Variants in MCF2L observed in about 807,000 individuals in gnomAD.
MCF2L encodes the protein MCF.2 cell line derived transforming sequence like.
In MCF2L, 97 loss-of-function variants were observed where a neutral mutation model predicts 153.4. The observed-to-expected ratio is 0.63, with a 90% CI of 0.54 to 0.75. MCF2L has a LOEUF of 0.75. Among genes scored for constraint, MCF2L ranks in the 30% least tolerant of loss-of-function variants. The probability of loss-of-function intolerance (pLI) is 0.00; values close to 1 mark genes in which losing one functional copy is unlikely to be tolerated. For missense variants in MCF2L, 1,347 were observed against 1,495.2 expected, an observed-to-expected ratio of 0.90 and a Z score of 1.64; for synonymous variants, 659 against 632.2, an observed-to-expected ratio of 1.04 and a Z score of -0.64.
chr13:113,086,045 C>T, intron 20 of MCF2L, 79 bp from the exon 21 acceptor site: 1 of 1,475,490 alleles, frequency 6.8e-7, no homozygotes, highest in Non-Finnish European at 9.0e-7. Flanking sequence ...TACCTCGTGC[C>T]AAGCTCCTGA....
intron 8 of MCF2L, among the ~76,000 whole-genome samples, chr13:113,066,854 C>G (rs1034457609): frequency 7.0e-4 from 107 of 152,342 alleles, no homozygotes; most frequent in African/African-American, 2.5e-3. Context: ...CAGGGCCGTG[C>G]GGGGCGCACC....
At chr13:112,906,765 A>G (rs1338381090) in intron 2 of MCF2L, among the ~76,000 whole-genome samples, 1 of 152,232 alleles carries the variant, frequency 6.6e-6, no homozygotes, top group Non-Finnish European at 1.5e-5. Flanking sequence ...CTTGCGCAGC[A>G]GAGGTGAGGT....
chr13:112,947,756 A>G (rs750502560), intron 2 of MCF2L, among the ~76,000 whole-genome samples: 14 of 152,136 alleles, frequency 9.2e-5, no homozygotes, highest in Non-Finnish European at 1.9e-4. Context: ...GGCTGGGGCT[A>G]CACACTGGTG....
chr13:112,957,119 C>T (rs796636319), intron 2 of MCF2L: 5 of 152,230 alleles, frequency 3.3e-5, no homozygotes, highest in African/African-American at 1.2e-4. Context: ...GGTGCATTAT[C>T]TGTTGACGTG....
chr13:112,969,483 T>A lies in MCF2L; in HGVS notation c.79+25T>A, dbSNP rs534857085. On this transcript the variant is annotated intron_variant, in intron 1 of 29. Coordinates refer to ENST00000535094, the MANE Select transcript of MCF2L (RefSeq NM_001112732.3). The surrounding 1 kb of genome is among the most constrained non-coding windows in gnomAD (Gnocchi z 4.8). ...GGTAGGAGGAGCTGCTGGCCGTCAG[T>A]GATCTGTGCTTAAGCTTGACATCAT... 6.5e-7 allele frequency: 1 copy of A among 1,550,066 alleles called. No homozygotes were observed. Among genetic ancestry groups the A allele is most frequent in the South Asian group, 1.2e-5 (1 of 84,050 alleles).
chr13:113,001,026 G>A (rs779248304), intron 1 of MCF2L, among the ~76,000 whole-genome samples: 28 of 131,932 alleles, frequency 2.1e-4, no homozygotes, highest in Non-Finnish European at 3.6e-4. Context: ...CTCTGGGCCT[G>A]GACAAATGGT....
At chr13:112,902,713 G>C (rs1340885477) in intron 2 of MCF2L, among the ~76,000 whole-genome samples, 1 of 152,236 alleles carries the variant, frequency 6.6e-6, no homozygotes, top group Non-Finnish European at 1.5e-5. Flanking sequence ...TACCTGAAGG[G>C]AACAATTTGT....
intron 4 of MCF2L, among the ~76,000 whole-genome samples, chr13:113,058,213 G>A (rs1166458912): frequency 1.3e-5 from 2 of 149,674 alleles, no homozygotes; most frequent in Non-Finnish European, 3.0e-5. Context: ...TTTGGGCGCT[G>A]TGTGTTTGGG....
At chr13:113,061,265 G>A (rs2031362549) in intron 5 of MCF2L, among the ~76,000 whole-genome samples, 1 of 152,074 alleles carries the variant, frequency 6.6e-6, no homozygotes, top group African/African-American at 2.4e-5. Flanking sequence ...TCCCAACACT[G>A]CCCACTGAGA....
intron 12 of MCF2L, among the ~76,000 whole-genome samples, chr13:113,076,445 A>G (rs2033487860): frequency 1.3e-5 from 2 of 151,914 alleles, no homozygotes; most frequent in Non-Finnish European, 1.5e-5. Context: ...TTGTATTTTT[A>G]TTAGAGACAG....
intron 2 of MCF2L, among the ~76,000 whole-genome samples, chr13:112,958,926 A>G (rs373963500): frequency 2.3e-4 from 35 of 152,182 alleles, no homozygotes; most frequent in African/African-American, 8.4e-4. Flanking sequence ...GTGGAAGCAA[A>G]TCCTGGGCGG....
intron 27 of MCF2L, 33 bp from the exon 28 acceptor site, chr13:113,096,338 A>G: frequency 6.7e-7 from 1 of 1,495,494 alleles, no homozygotes; most frequent in Non-Finnish European, 9.1e-7. Context: ...GCGGGTGCTG[A>G]CGCTGTCTGT....
intron 26 of MCF2L, 106 bp downstream of exon 26, chr13:113,089,834 C>G: frequency 6.2e-7 from 1 of 1,611,194 alleles, no homozygotes; most frequent in Non-Finnish European, 8.5e-7. Flanking sequence ...TGTGAAGAAG[C>G]TTTGCAGAGC....
intron 12 of MCF2L, 118 bp downstream of exon 12, chr13:113,076,275 T>A (rs2033468607): frequency 1.3e-6 from 1 of 798,604 alleles, no homozygotes; most frequent in Non-Finnish European, 1.8e-6. Flanking sequence ...ATTATTATTT[T>A]TTTTTTGAGA....
chr13:112,979,224 A>C, intron 1 of MCF2L: 1 of 643,464 alleles, frequency 1.6e-6, no homozygotes, highest in Non-Finnish European at 1.9e-6. Context: ...AGACTTCCTG[A>C]GGCCTGGAAG....
Position 113,054,401 on chromosome 13 carries a change from T to C in MCF2L, c.370-6192T>C, listed in dbSNP as rs912517106. ...GGCCTCACGCACACGGCAGCGGCCA[T>C]TCTGAGCACTCGTGTCTGAACATCT... On this transcript the variant is annotated intron_variant, in intron 4 of 29. Coordinates refer to ENST00000535094, the MANE Select transcript of MCF2L (RefSeq NM_001112732.3). This position sits in a 1 kb window ranked among gnomAD's most constrained non-coding sequence, Gnocchi z 5.2. The C allele has an allele frequency of 6.0e-6, 1 of 167,456 alleles. No individual in the cohort carries two copies. The highest frequency in any genetic ancestry group is 2.4e-5 in the African/African-American group (1 of 41,436). 10.4% of individuals were successfully genotyped at this position (167,456 alleles called of 1,614,324 possible).
At chr13:113,050,199 G>T (rs1050491976) in intron 4 of MCF2L, among the ~76,000 whole-genome samples, 1 of 150,814 alleles carries the variant, frequency 6.6e-6, no homozygotes, top group African/African-American at 2.4e-5. Context: ...CGAGCGAGTG[G>T]GAGTGTAAGT....
At chr13:113,075,841 C>T (rs569368893) in intron 11 of MCF2L, 125 bp from the exon 12 acceptor site, 10 of 709,284 alleles carry the variant, frequency 1.4e-5, no homozygotes, top group Admixed American at 3.1e-5. Flanking sequence ...GACAGGGTGG[C>T]GGGAGCACGA....
intron 8 of MCF2L, among the ~76,000 whole-genome samples, chr13:113,069,675 G>A (rs1402613681): frequency 2.0e-5 from 3 of 152,210 alleles, no homozygotes; most frequent in East Asian, 1.9e-4. Context: ...GCAGTGAGCC[G>A]AGACTGCACC....
Sources: allele counts gnomAD v4.1 joint callset (sites outside exome capture counted in the v4.1 genomes callset), GRCh38; gene constraint gnomAD v4.1.1; non-coding constraint Gnocchi (gnomAD v3.1); transcripts MANE v1.5; gene names NCBI Gene and HGNC (gene_info 2026-07-23, HGNC 2026-07-21).